SRL: variants seen among roughly 807,000 people sequenced by gnomAD.
The protein encoded by SRL is sarcalumenin.
A neutral mutation model predicts 39.5 loss-of-function variants in SRL; 23 were observed. The observed-to-expected ratio is 0.58, with a 90% confidence interval of 0.42 to 0.82. SRL has a LOEUF of 0.82. SRL is among the 40% of genes least tolerant of loss of function. The probability of loss-of-function intolerance (pLI) is 0.00; values close to 1 mark genes in which losing one functional copy is unlikely to be tolerated. For missense variants in SRL, 592 were observed against 607.8 expected (o/e 0.97, Z 0.27); for synonymous variants, 272 against 237.4 (o/e 1.15, Z -1.34).
intron 3 of SRL, among the ~76,000 whole-genome samples, chr16:4,201,683 T>A (rs187771268): frequency 7.4e-6 from 1 of 134,836 alleles, no homozygotes; most frequent in East Asian, 1.9e-4. Context: ...TGAGATGGAG[T>A]CTTGCTCTGT....
chr16:4,207,584 C>G (rs1226499523), intron 1 of SRL: 1 of 449,414 alleles, frequency 2.2e-6, no homozygotes, highest in East Asian at 7.0e-5. Flanking sequence ...CTCCCTGCAC[C>G]AGGCTGTCCC....
intron 1 of SRL, among the ~76,000 whole-genome samples, chr16:4,237,624 G>A (rs116563264): frequency 6.6e-6 from 1 of 150,972 alleles, no homozygotes; most frequent in African/African-American, 2.4e-5. Flanking sequence ...CCTGCCTTCC[G>A]AACACGTCCC....
At chr16:4,235,300 T>C (rs2052703707) in intron 1 of SRL, among the ~76,000 whole-genome samples, 1 of 151,490 alleles carries the variant, frequency 6.6e-6, no homozygotes, top group African/African-American at 2.4e-5. Flanking sequence ...CCAAAGTGAG[T>C]CCCACCAATG....
intron 5 of SRL, among the ~76,000 whole-genome samples, chr16:4,195,280 TCAA>T (rs1194753853): frequency 6.6e-6 from 1 of 152,142 alleles, no homozygotes; most frequent in Non-Finnish European, 1.5e-5. Context: ...CATTGCAGCC[TCAA>T]CTTCCTCAGC....
chr16:4,212,930 T>C (rs953526141), intron 1 of SRL, among the ~76,000 whole-genome samples: 3 of 152,180 alleles, frequency 2.0e-5, no homozygotes, highest in African/African-American at 7.2e-5. Flanking sequence ...GCCCTGTCTC[T>C]TTCCAAAGCA....
At chr16:4,206,601 G>A (rs567995754) in intron 1 of SRL, 33 of 436,104 alleles carry the variant, frequency 7.6e-5, no homozygotes, top group African/African-American at 5.2e-4. Context: ...TCCCCGGGCC[G>A]GGACTGTGAA....
Position 4,228,634 on chromosome 16 carries a change from T to C in SRL, c.61+13373A>G, listed in dbSNP as rs369475560. Reference sequence around the variant, plus strand: ...CCTGTAGTCCCAGCTACTCGGGAGGTTGAGGCAGGAGAATGGAGTGAACCC... The same window carrying C: ...CCTGTAGTCCCAGCTACTCGGGAGGCTGAGGCAGGAGAATGGAGTGAACCC... On this transcript the variant is annotated intron_variant, in intron 1 of 5. Transcript: ENST00000399609. Among the ~76,000 whole-genome samples, 103 of 147,048 alleles carry C rather than the reference T, an allele frequency of 7.0e-4. 1 individual carries two copies. The highest frequency in any genetic ancestry group is 1.1e-3 in the South Asian group (5 of 4,564).
chr16:4,241,649 C>T (rs1442375954), intron 1 of SRL, among the ~76,000 whole-genome samples: 2 of 152,202 alleles, frequency 1.3e-5, no homozygotes, highest in Non-Finnish European at 2.9e-5. Context: ...CGACCTCCAG[C>T]TCCCAGACTG....
At chr16:4,200,312 C>T (rs186326302) in intron 3 of SRL, among the ~76,000 whole-genome samples, 1 of 152,300 alleles carries the variant, frequency 6.6e-6, no homozygotes, top group Non-Finnish European at 1.5e-5. Flanking sequence ...TAACACCGGC[C>T]CAGGCGACAC....
At chr16:4,241,485 G>T (rs374614946) in intron 1 of SRL, among the ~76,000 whole-genome samples, 1 of 152,094 alleles carries the variant, frequency 6.6e-6, no homozygotes, top group Admixed American at 6.5e-5. Flanking sequence ...CTCTATTTCC[G>T]ATCTTATCCC....
At chr16:4,198,338 C>T (rs1286645263) in intron 3 of SRL, among the ~76,000 whole-genome samples, 2 of 152,184 alleles carry the variant, frequency 1.3e-5, no homozygotes, top group African/African-American at 4.8e-5. Flanking sequence ...GTGGTCTGGA[C>T]TCAGACCCTT....
intron 1 of SRL, among the ~76,000 whole-genome samples, chr16:4,240,832 C>G (rs1254985497): frequency 6.6e-6 from 1 of 152,194 alleles, no homozygotes; most frequent in Non-Finnish European, 1.5e-5. Context: ...CCATACTTAG[C>G]CGCCTGACAG....
rs532469894 is a variant in SRL, at chr16:4,229,238, T to A, written c.61+12769A>T. Among the ~76,000 whole-genome samples the A allele has an allele frequency of 3.9e-5, 6 of 151,976 alleles. No individual in the cohort carries two copies. The East Asian group carries it at 1.2e-3, about 29-fold the overall frequency. ...GCGGGTGGATCACAAGGACAGGAGA[T>A]CGAGACCATCCTGGCTAACACAGTG... On this transcript the variant is annotated intron_variant, in intron 1 of 5. Transcript: ENST00000399609.
In SRL at chr16:4,203,268, A is replaced by G. The variant is rs1485507520; in HGVS notation, c.164-7T>C. Reference sequence around the variant, plus strand: ...CGAAGCCGCTGCAGCACCGCTGGAGACAGAGAGGGCCGGGGGAAGAGCATC... The same window carrying G: ...CGAAGCCGCTGCAGCACCGCTGGAGGCAGAGAGGGCCGGGGGAAGAGCATC... On this transcript the variant is annotated splice_region_variant and splice_polypyrimidine_tract_variant and intron_variant, in intron 2 of 5. Coordinates refer to ENST00000399609, the MANE Select transcript of SRL (RefSeq NM_001098814.2). The G allele has an allele frequency of 1.2e-6, 2 of 1,613,378 alleles. No individual in the cohort carries two copies. Among genetic ancestry groups the G allele is most frequent in the Non-Finnish European group, 8.5e-7 (1 of 1,179,380 alleles).
chr16:4,207,764 T>C (rs1384168490), intron 1 of SRL: 1 of 450,206 alleles, frequency 2.2e-6, no homozygotes, highest in Non-Finnish European at 4.5e-6. Flanking sequence ...TGGCCCCTCC[T>C]GGAGGGAGGG....
intron 1 of SRL, among the ~76,000 whole-genome samples, chr16:4,234,041 C>A (rs527763425): frequency 8.0e-4 from 122 of 152,216 alleles, no homozygotes; most frequent in African/African-American, 2.9e-3. Context: ...GTTGCCCAGG[C>A]TAGAGTATAG....
chr16:4,234,628 T>C (rs1431180784), intron 1 of SRL, among the ~76,000 whole-genome samples: 1 of 152,200 alleles, frequency 6.6e-6, no homozygotes, highest in Admixed American at 6.5e-5. Context: ...CTCAGTTAAA[T>C]CCGTCCCATT....
intron 1 of SRL, among the ~76,000 whole-genome samples, chr16:4,211,893 CAAT>C (rs1161486759): frequency 1.3e-5 from 2 of 151,998 alleles, no homozygotes; most frequent in South Asian, 2.1e-4. Context: ...GTGATGATGA[CAAT>C]GATGATGAGA....
At chr16:4,241,941 G>A in intron 1 of SRL, 66 bp downstream of exon 1, 1 of 1,581,038 alleles carries the variant, frequency 6.3e-7, no homozygotes, top group African/African-American at 1.3e-5. Flanking sequence ...ACCCATGGTA[G>A]ACAGAAAACC....
Sources: gnomAD v4.1 joint callset for allele counts (sites outside exome capture counted in the v4.1 genomes callset) on GRCh38, gnomAD v4.1.1 for gene constraint, MANE v1.5 for transcripts, NCBI Gene and HGNC (gene_info 2026-07-23, HGNC 2026-07-21) for gene names.